FAM169A: variants seen among roughly 807,000 people sequenced by gnomAD.
The protein encoded by FAM169A is family with sequence similarity 169 member A, also known as soluble lamin-associated protein of 75 kDa.
FAM169A carries 24 observed loss-of-function variants against 75.7 expected under a neutral mutation model. That is an observed-to-expected ratio of 0.32 (90% CI 0.23 to 0.45). The LOEUF (loss-of-function observed/expected upper bound fraction) is 0.45, where lower values mean the gene tolerates loss of function less well. FAM169A is among the 20% of genes least tolerant of loss of function. The probability of loss-of-function intolerance (pLI) is 1.00; values close to 1 mark genes in which losing one functional copy is unlikely to be tolerated. For synonymous variants in FAM169A, 271 were observed against 271.0 expected (o/e 1.00, Z 0.00); for missense variants, 673 against 784.0 (o/e 0.86, Z 1.69).
intron 11 of FAM169A, among the ~76,000 whole-genome samples, chr5:74,795,401 T>A (rs1746218704): frequency 6.6e-6 from 1 of 152,044 alleles, no homozygotes; most frequent in Non-Finnish European, 1.5e-5. Context: ...AGGAAAAGAT[T>A]GAAGATACTA....
At chr5:74,845,484 C>A (rs1377605265) in intron 1 of FAM169A, among the ~76,000 whole-genome samples, 1 of 152,132 alleles carries the variant, frequency 6.6e-6, no homozygotes, top group Non-Finnish European at 1.5e-5. Flanking sequence ...TGCCACTGCA[C>A]TCCAGCCTGG....
At chr5:74,824,698 T>A (rs1200055722) in intron 5 of FAM169A, among the ~76,000 whole-genome samples, 2 of 123,874 alleles carry the variant, frequency 1.6e-5, no homozygotes, top group Admixed American at 1.5e-4. Flanking sequence ...ACTTTCCTGA[T>A]ACACACACAT....
chr5:74,824,401 C>T (rs962323405), intron 5 of FAM169A, among the ~76,000 whole-genome samples: 1 of 152,166 alleles, frequency 6.6e-6, no homozygotes, highest in Non-Finnish European at 1.5e-5. Flanking sequence ...CACAAAACTT[C>T]CACTGAATTA....
intron 1 of FAM169A, among the ~76,000 whole-genome samples, chr5:74,859,366 T>C (rs1032398060): frequency 3.6e-5 from 5 of 139,886 alleles, no homozygotes; most frequent in Admixed American, 1.5e-4. Context: ...CTCAGCTCAC[T>C]GCAACCTCCA....
At chr5:74,844,965 A>G (rs537307730) in intron 1 of FAM169A, among the ~76,000 whole-genome samples, 71 of 152,342 alleles carry the variant, frequency 4.7e-4, no homozygotes, top group Middle Eastern at 3.4e-3. Context: ...TTTTTATTTA[A>G]AACAGTTTTA....
At chr5:74,847,402 C>T (rs1199340579) in intron 1 of FAM169A, among the ~76,000 whole-genome samples, 1 of 151,790 alleles carries the variant, frequency 6.6e-6, no homozygotes, top group Non-Finnish European at 1.5e-5. Flanking sequence ...TTTTGTGTCA[C>T]GTTTATGTCA....
intron 10 of FAM169A, among the ~76,000 whole-genome samples, chr5:74,796,735 T>C (rs1467306584): frequency 6.6e-6 from 1 of 151,850 alleles, no homozygotes; most frequent in Non-Finnish European, 1.5e-5. Context: ...ACCTCATTTA[T>C]ACTGAAGGAC....
rs140692773 is a variant in FAM169A, at chr5:74,812,185, G to A, written c.670+1655C>T. Among the ~76,000 whole-genome samples, 357 of 152,232 alleles carry A rather than the reference G, an allele frequency of 2.3e-3. 1 individual carries two copies. The highest frequency in any genetic ancestry group is 8.4e-3 in the African/African-American group (348 of 41,546). On this transcript the variant is annotated intron_variant, in intron 6 of 12. Transcript: ENST00000687041. The stretch of plus-strand genomic sequence containing the variant: ...GTCACCCAGGCTGAAGTGCAGTAGT[G>A]CAATCTCGGCTCACTGCAGCTTTGA...
At chr5:74,805,326 C>G in intron 6 of FAM169A, 42 bp from the exon 7 acceptor site, 6 of 1,597,184 alleles carry the variant, frequency 3.8e-6, no homozygotes, top group Non-Finnish European at 5.1e-6. Flanking sequence ...CCCAAATATC[C>G]ACTGTTTTGA....
At chr5:74,834,173 A>C (rs1043370664) in intron 5 of FAM169A, among the ~76,000 whole-genome samples, 2 of 152,286 alleles carry the variant, frequency 1.3e-5, no homozygotes, top group South Asian at 2.1e-4. Flanking sequence ...TCAACGTACA[A>C]CTGTGTCTCC....
At chr5:74,839,105 T>G in intron 3 of FAM169A, 55 bp from the exon 4 acceptor site, 1 of 1,218,936 alleles carries the variant, frequency 8.2e-7, no homozygotes, top group Non-Finnish European at 1.2e-6. Flanking sequence ...ACTTTTAGAC[T>G]TAATAAGGCC....
At chr5:74,825,897 T>C (rs578076192) in intron 5 of FAM169A, among the ~76,000 whole-genome samples, 4 of 152,286 alleles carry the variant, frequency 2.6e-5, no homozygotes, top group African/African-American at 7.2e-5. Context: ...TCTTAATTCA[T>C]TGTGATGGAT....
chr5:74,817,023 C>T (rs1001482094), intron 5 of FAM169A, among the ~76,000 whole-genome samples: 1 of 152,038 alleles, frequency 6.6e-6, no homozygotes, highest in Non-Finnish European at 1.5e-5. Flanking sequence ...AAAACCCAAC[C>T]TTTCATGATA....
intron 11 of FAM169A, among the ~76,000 whole-genome samples, chr5:74,794,447 C>G (rs1414454399): frequency 5.6e-4 from 74 of 132,444 alleles, no homozygotes; most frequent in Middle Eastern, 5.9e-3. Context: ...TTTCATGAGG[C>G]CGGGTATGGT....
rs938410632 is a variant in FAM169A at position 74,782,180 on chromosome 5, C to T, written c.1465-172G>A. On this transcript the variant is annotated intron_variant, in intron 12 of 12. Coordinates refer to ENST00000687041, the MANE Select transcript of FAM169A (RefSeq NM_001376049.1). The stretch of plus-strand genomic sequence containing the variant: ...GCTATATGTGTATATATTCTGAATA[C>T]AACTCAATTTCTTCAAAATTGTTTC... 4.6e-5 allele frequency among the ~76,000 whole-genome samples: 7 copies of T among 152,228 alleles called. No individual in the cohort carries two copies. The South Asian group carries it at 6.2e-4, about 14-fold the overall frequency.
At chr5:74,865,241 C>G (rs1375904592) in intron 1 of FAM169A, 1 of 152,224 alleles carries the variant, frequency 6.6e-6, no homozygotes, top group East Asian at 1.9e-4. Context: ...TGTCACAGTT[C>G]TGTGAGAATC....
intron 1 of FAM169A, among the ~76,000 whole-genome samples, chr5:74,864,208 G>A (rs914040608): frequency 6.6e-6 from 1 of 152,186 alleles, no homozygotes; most frequent in African/African-American, 2.4e-5. Flanking sequence ...TAATTATTTT[G>A]TTTTCTCCAA....
At chr5:74,813,014 TACA>T (rs1359306904) in intron 6 of FAM169A, among the ~76,000 whole-genome samples, 10 of 152,180 alleles carry the variant, frequency 6.6e-5, no homozygotes, top group Admixed American at 1.3e-4. Flanking sequence ...CTAATTTACG[TACA>T]ACAAGAATGA....
At chr5:74,810,823 T>TG (rs1208720163) in intron 6 of FAM169A, among the ~76,000 whole-genome samples, 5 of 77,946 alleles carry the variant, frequency 6.4e-5, no homozygotes, top group Admixed American at 2.9e-4. Context: ...TTTGCCCTTT[T>TG]TTTTTTTTTT....
Sources: gnomAD v4.1 joint callset for allele counts (sites outside exome capture counted in the v4.1 genomes callset) on GRCh38, gnomAD v4.1.1 for gene constraint, MANE v1.5 for transcripts, NCBI Gene and HGNC (gene_info 2026-07-23, HGNC 2026-07-21) for gene names.